Variants in NR6A1 observed in about 807,000 individuals in gnomAD.
NR6A1 encodes the protein nuclear receptor subfamily 6 group A member 1, also known as retinoic acid receptor-related testis-associated receptor.
A neutral mutation model predicts 59.1 loss-of-function variants in NR6A1; 7 were observed. The observed-to-expected ratio is 0.12, with a 90% CI of 0.07 to 0.22. NR6A1 has a LOEUF of 0.22. Among genes scored for constraint, NR6A1 ranks in the 10% least tolerant of loss-of-function variants. The pLI is 1.00. For missense variants in NR6A1, 468 were observed against 611.6 expected, an observed-to-expected ratio of 0.77 and a Z score of 2.48; for synonymous variants, 243 against 236.1, an observed-to-expected ratio of 1.03 and a Z score of -0.27.
chr9:124,612,978 C>CTTA (rs1488828038), intron 2 of NR6A1, among the ~76,000 whole-genome samples: 1 of 152,168 alleles, frequency 6.6e-6, no homozygotes, highest in African/African-American at 2.4e-5. Flanking sequence ...ATGTACCTTA[C>CTTA]AGAAGTACTT....
intron 1 of NR6A1, among the ~76,000 whole-genome samples, chr9:124,752,203 A>G (rs765098910): frequency 1.3e-5 from 2 of 152,216 alleles, no homozygotes; most frequent in Non-Finnish European, 2.9e-5. Context: ...CAGGAGGCAG[A>G]GGTTACAATG....
intron 1 of NR6A1, among the ~76,000 whole-genome samples, chr9:124,734,612 G>A (rs1406229351): frequency 1.3e-5 from 2 of 152,170 alleles, no homozygotes; most frequent in African/African-American, 2.4e-5. Flanking sequence ...AGAATCTTTC[G>A]AGTCTGGGAG....
chr9:124,686,589 A>G (rs1838338493), intron 2 of NR6A1, among the ~76,000 whole-genome samples: 1 of 152,194 alleles, frequency 6.6e-6, no homozygotes, highest in Non-Finnish European at 1.5e-5. Flanking sequence ...TTTACCATGA[A>G]AAAAAACGAG....
chr9:124,678,942 C>T (rs1215642626), intron 2 of NR6A1, among the ~76,000 whole-genome samples: 3 of 152,054 alleles, frequency 2.0e-5, no homozygotes, highest in African/African-American at 7.2e-5. Flanking sequence ...GCAGCTGGCC[C>T]CGGTGGTTCG....
At chr9:124,749,750 T>C (rs1840441711) in intron 1 of NR6A1, among the ~76,000 whole-genome samples, 1 of 152,202 alleles carries the variant, frequency 6.6e-6, no homozygotes, top group Non-Finnish European at 1.5e-5. Flanking sequence ...GATACTAGTA[T>C]ACCCTGCCCC....
chr9:124,721,563 C>G (rs1374688544), intron 2 of NR6A1, among the ~76,000 whole-genome samples: 1 of 152,112 alleles, frequency 6.6e-6, no homozygotes, highest in African/African-American at 2.4e-5. Context: ...GATTTGTGAA[C>G]TATCTTAAGT....
At chr9:124,764,940 G>A (rs1840888894) in intron 1 of NR6A1, among the ~76,000 whole-genome samples, 1 of 152,116 alleles carries the variant, frequency 6.6e-6, no homozygotes, top group African/African-American at 2.4e-5. Flanking sequence ...AGGGCCCATA[G>A]AACTGACACC....
At chr9:124,719,436 A>G (rs970061661) in intron 2 of NR6A1, among the ~76,000 whole-genome samples, 4 of 152,142 alleles carry the variant, frequency 2.6e-5, no homozygotes. Context: ...TAACCTGCAC[A>G]TTATCAGTTT....
chr9:124,547,835 G>T (rs1458347974), intron 3 of NR6A1, among the ~76,000 whole-genome samples: 1 of 152,128 alleles, frequency 6.6e-6, no homozygotes, highest in Admixed American at 6.5e-5. Context: ...AAAAGAGACT[G>T]AAAAGACATA....
chr9:124,624,287 G>A (rs148697263), intron 2 of NR6A1, among the ~76,000 whole-genome samples: 2 of 152,156 alleles, frequency 1.3e-5, no homozygotes, highest in African/African-American at 4.8e-5. Context: ...CCCGGTACAT[G>A]GTGGCAGCAG....
chr9:124,546,149 C>A (rs1346311298), intron 3 of NR6A1, among the ~76,000 whole-genome samples: 1 of 152,162 alleles, frequency 6.6e-6, no homozygotes, highest in East Asian at 1.9e-4. Context: ...CGACCCCACC[C>A]AGAGTAACAA....
intron 2 of NR6A1, among the ~76,000 whole-genome samples, chr9:124,643,776 G>A (rs10818982): frequency 0.49 from 66,419 of 135,542 alleles, 16,603 homozygotes; most frequent in Admixed American, 0.59. Flanking sequence ...AAAAAAAAAA[G>A]AGAGAGAGAG....
intron 2 of NR6A1, among the ~76,000 whole-genome samples, chr9:124,711,167 T>C (rs906344986): frequency 2.4e-5 from 3 of 127,252 alleles, no homozygotes; most frequent in Admixed American, 9.5e-5. Context: ...GATTTTTACA[T>C]GCCTAAGTCA....
chr9:124,590,792 A>G (rs548122660), intron 2 of NR6A1, among the ~76,000 whole-genome samples: 111 of 152,372 alleles, frequency 7.3e-4, no homozygotes, highest in African/African-American at 2.3e-3. Flanking sequence ...AAACATGGTC[A>G]TGGCAACTGT....
chr9:124,565,807 T>G (rs1171298325), intron 2 of NR6A1, among the ~76,000 whole-genome samples: 1 of 152,168 alleles, frequency 6.6e-6, no homozygotes, highest in African/African-American at 2.4e-5. Context: ...TGGCTGAAAT[T>G]TAAAAAGACT....
intron 2 of NR6A1, among the ~76,000 whole-genome samples, chr9:124,649,673 A>G (rs1379111506): frequency 6.6e-6 from 1 of 152,218 alleles, no homozygotes; most frequent in Non-Finnish European, 1.5e-5. Flanking sequence ...GAGATAACCT[A>G]AAGAATGGGA....
intron 2 of NR6A1, among the ~76,000 whole-genome samples, chr9:124,662,375 G>C (rs1032751240): frequency 8.5e-5 from 13 of 152,166 alleles, no homozygotes; most frequent in Non-Finnish European, 1.5e-4. Context: ...AACTTTGCTA[G>C]CTAGATGATA....
chr9:124,677,694 C>G (rs905230096), intron 2 of NR6A1, among the ~76,000 whole-genome samples: 1 of 152,042 alleles, frequency 6.6e-6, no homozygotes, highest in Non-Finnish European at 1.5e-5. Context: ...TTTATTGCAG[C>G]CCACAGGATT....
chr9:124,551,268 T>C (rs993789696), intron 3 of NR6A1, among the ~76,000 whole-genome samples: 3 of 152,178 alleles, frequency 2.0e-5, no homozygotes, highest in Non-Finnish European at 4.4e-5. Context: ...AATATACATA[T>C]GTACACTAAC....
Sources: gnomAD v4.1 joint callset for allele counts (sites outside exome capture counted in the v4.1 genomes callset) on GRCh38, gnomAD v4.1.1 for gene constraint, MANE v1.5 for transcripts, NCBI Gene and HGNC (gene_info 2026-07-23, HGNC 2026-07-21) for gene names.